Variants in PCDHA7 observed in about 807,000 individuals in gnomAD.
PCDHA7 encodes the protein protocadherin alpha 7.
PCDHA7 carries 37 observed loss-of-function variants against 57.2 expected under a neutral mutation model. The ratio of observed to expected loss-of-function variants is 0.65; its 90% CI spans 0.50 to 0.85. The LOEUF (loss-of-function observed/expected upper bound fraction) is 0.85, where lower values mean the gene tolerates loss of function less well. PCDHA7 is among the 40% of genes least tolerant of loss of function. The pLI, the probability that PCDHA7 is intolerant of heterozygous loss-of-function variation, is 0.00. For missense variants in PCDHA7, 1,188 were observed against 1,241.8 expected, an observed-to-expected ratio of 0.96 and a Z score of 0.65; for synonymous variants, 553 against 558.8, an observed-to-expected ratio of 0.99 and a Z score of 0.15.
At chr5:140,850,821 C>T in intron 1 of PCDHA7, 1 of 1,598,302 alleles carries the variant, frequency 6.3e-7, no homozygotes, top group Non-Finnish European at 8.6e-7. Flanking sequence ...CAGCCCGGGC[C>T]TTTCTCCTTG....
chr5:140,897,997 G>C (rs1174176296), intron 1 of PCDHA7, among the ~76,000 whole-genome samples: 1 of 152,168 alleles, frequency 6.6e-6, no homozygotes, highest in Non-Finnish European at 1.5e-5. Context: ...CTTTTGAGAA[G>C]TGTCTGTTCA....
intron 1 of PCDHA7, chr5:140,927,843 CTT>C (rs1563097902): frequency 4.3e-6 from 7 of 1,614,186 alleles, no homozygotes; most frequent in African/African-American, 2.7e-5. Flanking sequence ...ACGAAGGTGT[CTT>C]TGGTTTAGCT....
chr5:140,937,326 C>T (rs1287239556), intron 1 of PCDHA7, among the ~76,000 whole-genome samples: 1 of 152,164 alleles, frequency 6.6e-6, no homozygotes, highest in South Asian at 2.1e-4. Context: ...CGTGAGCCAC[C>T]GCGCCCGGCT....
At chr5:140,982,237 G>T (rs2096973071) in intron 2 of PCDHA7, 1 of 665,404 alleles carries the variant, frequency 1.5e-6, no homozygotes, top group East Asian at 3.5e-5. Context: ...AAACAGAATT[G>T]CCATAAAGAT....
intron 1 of PCDHA7, among the ~76,000 whole-genome samples, chr5:140,955,338 C>T (rs1232401709): frequency 6.6e-6 from 1 of 152,062 alleles, no homozygotes; most frequent in African/African-American, 2.4e-5. Flanking sequence ...TCCCATAATC[C>T]CCACATGTTG....
intron 1 of PCDHA7, among the ~76,000 whole-genome samples, chr5:140,939,246 C>G (rs536477969): frequency 6.6e-5 from 10 of 152,230 alleles, no homozygotes; most frequent in African/African-American, 2.2e-4. Context: ...AGCAAGGTAG[C>G]TCTCTGGAAC....
At chr5:140,966,744 T>A in intron 1 of PCDHA7, 1 of 1,424,124 alleles carries the variant, frequency 7.0e-7, no homozygotes. Flanking sequence ...CCTGCCCGGC[T>A]GCCTCCGCCG....
rs1554262618 is a variant in PCDHA7, at chr5:141,009,958, C to T, written c.*21C>T. On this transcript the variant is annotated 3_prime_UTR_variant, in exon 4 of 4. Transcript: ENST00000525929. The stretch of plus-strand genomic sequence containing the variant: ...AGTGAGGTCCTCAAATGGAAACAAG[C>T]CACTTAGCCAGTTTTTGTAATAATG... 1.3e-6 allele frequency: 2 copies of T among 1,589,012 alleles called. No homozygotes were observed. The highest frequency in any genetic ancestry group is 1.7e-6 in the Non-Finnish European group (2 of 1,171,000).
At chr5:140,944,292 A>G (rs1330492011) in intron 1 of PCDHA7, among the ~76,000 whole-genome samples, 1 of 152,090 alleles carries the variant, frequency 6.6e-6, no homozygotes, top group Non-Finnish European at 1.5e-5. Context: ...GGCTCAAGCG[A>G]TCCTCCTACC....
At chr5:141,008,528 G>C (rs1343778561) in intron 3 of PCDHA7, among the ~76,000 whole-genome samples, 5 of 152,070 alleles carry the variant, frequency 3.3e-5, no homozygotes, top group African/African-American at 9.7e-5. Flanking sequence ...AGACTCTTGG[G>C]AATGTCTTTT....
chr5:140,968,209 C>G (rs781795931), intron 1 of PCDHA7: 5 of 1,614,002 alleles, frequency 3.1e-6, no homozygotes, highest in Non-Finnish European at 4.2e-6. Context: ...TACAGGAGAA[C>G]AATTTGCCAG....
chr5:140,992,584 T>G (rs1327367703), intron 3 of PCDHA7, among the ~76,000 whole-genome samples: 1 of 152,194 alleles, frequency 6.6e-6, no homozygotes, highest in Non-Finnish European at 1.5e-5. Context: ...CTGCCTTGTA[T>G]GCATCTAGCG....
At chr5:140,850,367 GGGGCTGT>G (rs1332786840) in intron 1 of PCDHA7, 1 of 1,597,800 alleles carries the variant, frequency 6.3e-7, no homozygotes, top group Non-Finnish European at 8.6e-7. Context: ...CGTTCCGCGT[GGGGCTGT>G]ACACGGGCGA....
chr5:140,884,021 G>C, intron 1 of PCDHA7: 1 of 1,613,318 alleles, frequency 6.2e-7, no homozygotes, highest in Non-Finnish European at 8.5e-7. Flanking sequence ...GCCGCGGTCG[G>C]TGGGTGCAGG....
intron 3 of PCDHA7, among the ~76,000 whole-genome samples, chr5:140,990,715 A>G (rs927680875): frequency 1.3e-5 from 2 of 152,194 alleles, no homozygotes; most frequent in Non-Finnish European, 2.9e-5. Context: ...GGATAAGAGC[A>G]TCACTAGGTA....
intron 1 of PCDHA7, among the ~76,000 whole-genome samples, chr5:140,945,071 C>A (rs246061): frequency 0.56 from 85,726 of 151,850 alleles, 24,797 homozygotes; most frequent in African/African-American, 0.69. Context: ...CAGACTCCAC[C>A]AAAACACTCT....
rs2150386849 is a variant in PCDHA7, at chr5:140,846,316, A to G, written c.2355+9578A>G. ...TGAATTAAGTAAACCATTTATGTAG[A>G]GTGTTGTAAATAGCCTTTTAAAGTG... On this transcript the variant is annotated intron_variant, in intron 1 of 3. Transcript: ENST00000525929. 2.4e-3 allele frequency among the ~76,000 whole-genome samples: 359 copies of G among 147,560 alleles called. 12 individuals carry two copies. Among genetic ancestry groups the G allele is most frequent in the African/African-American group, 8.0e-3 (325 of 40,542 alleles).
chr5:140,931,147 A>G (rs1469532498), intron 1 of PCDHA7, among the ~76,000 whole-genome samples: 1 of 152,206 alleles, frequency 6.6e-6, no homozygotes, highest in Non-Finnish European at 1.5e-5. Context: ...AGTGGATACT[A>G]TTTAATAGAA....
chr5:140,927,959 G>A lies in PCDHA7; in HGVS notation c.2356-50990G>A. On this transcript the variant is annotated intron_variant, in intron 1 of 3. Transcript: ENST00000525929. ...CCAGTACCTGAGGACGCTGCCCCTG[G>A]CACAGTGATTGCTCTCTTTAGTGTA... 1 of 1,614,190 alleles carries A rather than the reference G, an allele frequency of 6.2e-7. No individual in the cohort carries two copies. Among genetic ancestry groups the A allele is most frequent in the East Asian group, 2.2e-5 (1 of 44,886 alleles).
Sources: allele counts gnomAD v4.1 joint callset (sites outside exome capture counted in the v4.1 genomes callset), GRCh38; gene constraint gnomAD v4.1.1; transcripts MANE v1.5; gene names NCBI Gene and HGNC (gene_info 2026-07-23, HGNC 2026-07-21).